Variants in PSMD1 observed in about 807,000 individuals in gnomAD.
PSMD1 encodes 26S proteasome non-ATPase regulatory subunit 1.
A neutral mutation model predicts 119.0 loss-of-function variants in PSMD1; 18 were observed. That is an observed-to-expected ratio of 0.15 (90% CI 0.10 to 0.22). The LOEUF (loss-of-function observed/expected upper bound fraction) is 0.22. PSMD1 is among the 10% of genes least tolerant of loss of function. PSMD1 has a pLI of 1.00. For missense variants in PSMD1, 702 were observed against 1,158.5 expected (o/e 0.61, Z 5.72); for synonymous variants, 374 against 396.6 (o/e 0.94, Z 0.68).
chr2:231,149,649 C>CT (rs1696329614), intron 18 of PSMD1, among the ~76,000 whole-genome samples: 1 of 152,228 alleles, frequency 6.6e-6, no homozygotes, highest in South Asian at 2.1e-4. Context: ...CAAGTACCCT[C>CT]TTTGGAAGTA....
chr2:231,105,649 C>G (rs1369142053), intron 16 of PSMD1, among the ~76,000 whole-genome samples: 1 of 151,928 alleles, frequency 6.6e-6, no homozygotes, highest in African/African-American at 2.4e-5. Context: ...AATTCATAAG[C>G]TTTTAGATAC....
At chr2:231,114,435 T>G (rs1326683125) in intron 16 of PSMD1, among the ~76,000 whole-genome samples, 2 of 152,250 alleles carry the variant, frequency 1.3e-5, no homozygotes, top group East Asian at 3.8e-4. Flanking sequence ...GATCCTTGTT[T>G]ATAGCATACT....
chr2:231,091,704 T>A (rs1694599036), intron 16 of PSMD1, among the ~76,000 whole-genome samples: 1 of 152,122 alleles, frequency 6.6e-6, no homozygotes, highest in Non-Finnish European at 1.5e-5. Context: ...TCCATATGGC[T>A]GTTTGTTGGG....
intron 16 of PSMD1, among the ~76,000 whole-genome samples, chr2:231,130,756 T>G (rs146023526): frequency 1.0e-3 from 159 of 152,354 alleles, no homozygotes; most frequent in African/African-American, 3.6e-3. Context: ...GTTACTGTGC[T>G]TGGCCAGTTT....
At chr2:231,098,461 G>C (rs112260962) in intron 16 of PSMD1, among the ~76,000 whole-genome samples, 2,487 of 143,792 alleles carry the variant, frequency 0.017, 74 homozygotes, top group African/African-American at 0.066. Context: ...CTCTCTCTCT[G>C]TCTCTTTCTC....
rs1463556769 is a variant in PSMD1 at position 231,170,930 on chromosome 2, G to A, written c.*9+209G>A. On this transcript the variant is annotated intron_variant, in intron 24 of 24. Coordinates refer to ENST00000308696, the MANE Select transcript of PSMD1 (RefSeq NM_002807.4). The surrounding 1 kb of genome is among the most constrained non-coding windows in gnomAD (Gnocchi z 4.1). ...CCTCTTTGACTCGTACTCTACTCAC[G>A]TTATTCAAAGTGGCTGGTCTGCAAA... Among the ~76,000 whole-genome samples the A allele has an allele frequency of 2.6e-5, 4 of 152,006 alleles. No individual in the cohort carries two copies. Among genetic ancestry groups the A allele is most frequent in the African/African-American group, 9.7e-5 (4 of 41,372 alleles).
intron 19 of PSMD1, among the ~76,000 whole-genome samples, chr2:231,156,843 TTAAG>T (rs1358217885): frequency 3.3e-5 from 5 of 152,170 alleles, no homozygotes; most frequent in Non-Finnish European, 1.5e-5. Flanking sequence ...TAAGATCTCC[TTAAG>T]TAATTTTCAA....
intron 16 of PSMD1, among the ~76,000 whole-genome samples, chr2:231,133,131 TAGAG>T (rs1321741059): frequency 6.6e-6 from 1 of 152,168 alleles, no homozygotes; most frequent in East Asian, 1.9e-4. Flanking sequence ...AATCTGTTGT[TAGAG>T]AGTACAAGGG....
At chr2:231,082,825 A>G in intron 12 of PSMD1, 58 bp from the exon 13 acceptor site, 2 of 1,284,322 alleles carry the variant, frequency 1.6e-6, no homozygotes, top group Non-Finnish European at 2.2e-6. Context: ...AATTAGAATA[A>G]AAACTTGTAT....
At chr2:231,160,598 A>G (rs1696614503) in intron 19 of PSMD1, among the ~76,000 whole-genome samples, 2 of 152,222 alleles carry the variant, frequency 1.3e-5, no homozygotes, top group Admixed American at 6.5e-5. Flanking sequence ...CAAACTATCT[A>G]TGCTTGCCTC....
intron 16 of PSMD1, 149 bp from the exon 17 acceptor site, chr2:231,138,587 C>G (rs765206398): frequency 3.8e-5 from 23 of 601,780 alleles, no homozygotes; most frequent in Non-Finnish European, 6.5e-5. Flanking sequence ...ATAATTAGAA[C>G]TCTATGAAAG....
At chr2:231,067,508 A>G (rs1693936968) in intron 5 of PSMD1, among the ~76,000 whole-genome samples, 1 of 152,240 alleles carries the variant, frequency 6.6e-6, no homozygotes, top group Non-Finnish European at 1.5e-5. Flanking sequence ...AAAGCTGAGT[A>G]AAATGGACAT....
chr2:231,145,083 A>C (rs1465646967), intron 17 of PSMD1, among the ~76,000 whole-genome samples: 1 of 152,206 alleles, frequency 6.6e-6, no homozygotes, highest in African/African-American at 2.4e-5. Context: ...TATTCCATTC[A>C]CGTAGTTGTT....
At chr2:231,083,873 C>T (rs1694372071) in intron 14 of PSMD1, 110 bp downstream of exon 14, 7 of 1,080,640 alleles carry the variant, frequency 6.5e-6, no homozygotes, top group Non-Finnish European at 6.6e-6. Context: ...TACACTTATT[C>T]ATAAAACTTC....
At chr2:231,075,646 C>A in intron 8 of PSMD1, 75 bp downstream of exon 8, 1 of 1,331,608 alleles carries the variant, frequency 7.5e-7, no homozygotes, top group South Asian at 1.3e-5. Context: ...GTGGCGCGGT[C>A]TCGGCTCACT....
In PSMD1 at chr2:231,080,266, T is replaced by C; in HGVS notation, c.1365T>C (p.Gly455=). The part of the protein sequence containing the change: ...ALGLIHANHG[G]DIIDYLLNQL... ...GTCTTATTCATGCCAATCATGGTGG[T>C]GATATAATTGACTATCTGCTTAATC... Residue 455 remains glycine (G), a synonymous_variant, in exon 12 of 25, where the codon GGT becomes GGC. Transcript: ENST00000308696. The C allele has an allele frequency of 2.5e-6, 4 of 1,612,934 alleles. No individual in the cohort carries two copies. The highest frequency in any genetic ancestry group is 3.4e-6 in the Non-Finnish European group (4 of 1,179,070).
chr2:231,056,930 C>A lies in PSMD1; in HGVS notation c.-96C>A, dbSNP rs574529204. The A allele has an allele frequency of 1.6e-3, 2,393 of 1,492,772 alleles. 42 individuals are homozygous for A. The African/African-American group carries it at 0.031, about 19-fold the overall frequency. 92.5% of individuals were successfully genotyped at this position (1,492,772 alleles called of 1,614,324 possible). A position where few individuals can be genotyped will look rare whatever the true frequency, so the allele number is the denominator to read the frequency against. On this transcript the variant is annotated 5_prime_UTR_variant, in exon 1 of 25. Coordinates refer to ENST00000308696, the MANE Select transcript of PSMD1 (RefSeq NM_002807.4). ...CTGACTGAGCAGCGCACCCGGGGAG[C>A]AAGGAGGCGCGGTGAACTGAGCGGC...
chr2:231,098,152 T>G (rs745626558), intron 16 of PSMD1, among the ~76,000 whole-genome samples: 1 of 152,162 alleles, frequency 6.6e-6, no homozygotes, highest in Non-Finnish European at 1.5e-5. Context: ...TTAAATGCAT[T>G]TGGGCCATCC....
At chr2:231,074,477 T>C (rs1574709309) in intron 7 of PSMD1, among the ~76,000 whole-genome samples, 1 of 152,132 alleles carries the variant, frequency 6.6e-6, no homozygotes. Flanking sequence ...TTATGTGTGG[T>C]GGTTACAAGT....
Sources: gnomAD v4.1 joint callset for allele counts (sites outside exome capture counted in the v4.1 genomes callset) on GRCh38, gnomAD v4.1.1 for gene constraint, Gnocchi (gnomAD v3.1) non-coding constraint, MANE v1.5 for transcripts, NCBI Gene and HGNC (gene_info 2026-07-23, HGNC 2026-07-21) for gene names.